The following MICAL3 variants were observed in gnomAD, a reference collection of about 807,000 sequenced individuals.
The protein encoded by MICAL3 is microtubule associated monooxygenase, calponin and LIM domain containing 3.
Under a neutral mutation model 207.4 loss-of-function variants are expected in MICAL3, and 62 were observed. That is an observed-to-expected ratio of 0.30 (90% confidence interval 0.24 to 0.37). The LOEUF is 0.37. MICAL3 is among the 10% of genes least tolerant of loss of function. The pLI is 1.00. For missense variants in MICAL3, 2,368 were observed against 2,635.6 expected, an observed-to-expected ratio of 0.90 and a Z score of 2.22; for synonymous variants, 1,077 against 1,069.3, an observed-to-expected ratio of 1.01 and a Z score of -0.14.
chr22:17,857,345 C>T (rs757321845), intron 19 of MICAL3, among the ~76,000 whole-genome samples: 1 of 152,174 alleles, frequency 6.6e-6, no homozygotes. Context: ...GGACCCACGC[C>T]GCATGCTCCT....
chr22:17,908,656 G>A (rs772822443), intron 1 of MICAL3, among the ~76,000 whole-genome samples: 14 of 152,194 alleles, frequency 9.2e-5, no homozygotes, highest in African/African-American at 2.2e-4. Flanking sequence ...CATGCCCACA[G>A]CACTTGCTCC....
intron 19 of MICAL3, among the ~76,000 whole-genome samples, chr22:17,844,940 T>A (rs1410374387): frequency 6.6e-6 from 1 of 152,104 alleles, no homozygotes; most frequent in East Asian, 1.9e-4. Flanking sequence ...AGCTCATCAT[T>A]CCCAAATACC....
chr22:17,947,444 A>C (rs1396886384), intron 1 of MICAL3, among the ~76,000 whole-genome samples: 3 of 152,234 alleles, frequency 2.0e-5, no homozygotes, highest in African/African-American at 7.2e-5. Flanking sequence ...TTCTGTGCGC[A>C]CCACTGAGAT....
chr22:17,811,031 G>T, intron 27 of MICAL3: 1 of 521,914 alleles, frequency 1.9e-6, no homozygotes, highest in South Asian at 2.2e-5. Flanking sequence ...GCCTGCAGCA[G>T]CCCTCAGTGC....
Position 17,895,326 on chromosome 22 carries a change from A to G in MICAL3, c.1407T>C (p.Thr469=). 1 of 1,613,860 alleles carries G rather than the reference A, an allele frequency of 6.2e-7. No individual in the cohort carries two copies. Among genetic ancestry groups the G allele is most frequent in the South Asian group, 1.1e-5 (1 of 91,020 alleles). Residue 469 remains threonine, a synonymous_variant, in exon 10 of 32, where the codon ACT becomes ACC. Coordinates refer to ENST00000441493, the MANE Select transcript of MICAL3 (RefSeq NM_015241.3). ...NFSQYSIDPV[T]RYPNINVNFL... is the part of the protein sequence containing the mutation. ...AGTTGACGTTGATATTGGGATACCG[A>G]GTGACAGGGTCGATACTGTACTGGC...
intron 1 of MICAL3, among the ~76,000 whole-genome samples, chr22:17,991,924 T>C (rs995576464): frequency 6.6e-6 from 1 of 152,156 alleles, no homozygotes; most frequent in Non-Finnish European, 1.5e-5. Context: ...GAGGCCGTGG[T>C]AGACACAGCA....
intron 1 of MICAL3, among the ~76,000 whole-genome samples, chr22:17,983,879 A>G (rs1936039020): frequency 6.6e-6 from 1 of 152,194 alleles, no homozygotes; most frequent in Non-Finnish European, 1.5e-5. Flanking sequence ...AGGATTCAGG[A>G]GTCAAGGGAG....
intron 19 of MICAL3, among the ~76,000 whole-genome samples, chr22:17,843,899 T>A (rs953142428): frequency 6.6e-6 from 1 of 151,430 alleles, no homozygotes; most frequent in Non-Finnish European, 1.5e-5. Context: ...CAGGCTGGAG[T>A]GCAGTGGCAC....
intron 3 of MICAL3, among the ~76,000 whole-genome samples, chr22:17,903,178 G>A (rs12484267): frequency 0.15 from 23,011 of 152,180 alleles, 2,152 homozygotes; most frequent in East Asian, 0.29. Flanking sequence ...GCCCACAGGC[G>A]TCTTTCAGCC....
chr22:17,887,044 C>T (rs1602149059), intron 15 of MICAL3, 126 bp downstream of exon 15: 1 of 465,798 alleles, frequency 2.1e-6, no homozygotes, highest in Non-Finnish European at 3.7e-6. Flanking sequence ...AAGAAAAAGC[C>T]CAACAGAAAT....
At chr22:17,968,325 G>A (rs1351153101) in intron 1 of MICAL3, among the ~76,000 whole-genome samples, 1 of 152,066 alleles carries the variant, frequency 6.6e-6, no homozygotes, top group Non-Finnish European at 1.5e-5. Flanking sequence ...GCTCAGACCC[G>A]CCCTACTGAG....
At chr22:17,914,088 G>C (rs1049765253) in intron 1 of MICAL3, among the ~76,000 whole-genome samples, 1 of 152,184 alleles carries the variant, frequency 6.6e-6, no homozygotes, top group Non-Finnish European at 1.5e-5. Context: ...TTATCATCCA[G>C]CAGTTTATCA....
chr22:17,798,247 C>T lies in MICAL3; in HGVS notation c.5651-6946G>A, dbSNP rs114932320. Among the ~76,000 whole-genome samples, 415 of 152,292 alleles carry T rather than the reference C, an allele frequency of 2.7e-3. 1 individual carries two copies. Among genetic ancestry groups the T allele is most frequent in the African/African-American group, 9.1e-3 (377 of 41,558 alleles). ...ATCAGCTTGCAAGCGTTTTAGAATA[C>T]CAGACTTTCAAGAGGTGGAGGCTGG... On this transcript the variant is annotated intron_variant, in intron 29 of 31. Transcript: ENST00000441493.
intron 1 of MICAL3, among the ~76,000 whole-genome samples, chr22:17,992,035 A>C (rs915843933): frequency 2.1e-4 from 32 of 151,944 alleles, no homozygotes; most frequent in African/African-American, 7.7e-4. Context: ...GCTCCCACCC[A>C]CCGTTGCTAG....
At chr22:17,976,963 T>C (rs956951705) in intron 1 of MICAL3, among the ~76,000 whole-genome samples, 5 of 152,020 alleles carry the variant, frequency 3.3e-5, no homozygotes, top group South Asian at 4.2e-4. Context: ...CCCGCCACCA[T>C]GCCCGGCTAA....
At chr22:17,835,331 T>C (rs959800751) in intron 20 of MICAL3, among the ~76,000 whole-genome samples, 5 of 152,190 alleles carry the variant, frequency 3.3e-5, no homozygotes, top group Admixed American at 2.0e-4. Flanking sequence ...CCCAGACACC[T>C]TGGCGCTTGC....
intron 1 of MICAL3, among the ~76,000 whole-genome samples, chr22:17,963,345 G>C (rs189763537): frequency 6.6e-6 from 1 of 152,256 alleles, no homozygotes; most frequent in East Asian, 1.9e-4. Flanking sequence ...ATGTTTAAAG[G>C]AAGACTGTTA....
chr22:17,918,633 C>G (rs1479882305), intron 1 of MICAL3, among the ~76,000 whole-genome samples: 1 of 152,002 alleles, frequency 6.6e-6, no homozygotes, highest in Non-Finnish European at 1.5e-5. Flanking sequence ...TCATGGAGCG[C>G]CCCCCAGACC....
chr22:17,877,252 G>C (rs796397277), intron 16 of MICAL3, among the ~76,000 whole-genome samples: 1 of 18,350 alleles, frequency 5.4e-5, no homozygotes, highest in African/African-American at 5.4e-4. Flanking sequence ...AGGGAGGTTA[G>C]GGAGGTTAGG....
Sources: allele counts gnomAD v4.1 joint callset (sites outside exome capture counted in the v4.1 genomes callset), GRCh38; gene constraint gnomAD v4.1.1; transcripts MANE v1.5; gene names NCBI Gene and HGNC (gene_info 2026-07-23, HGNC 2026-07-21).